Variants in EXOC5 observed in about 807,000 individuals in gnomAD.
EXOC5 encodes the protein exocyst complex component 5.
EXOC5 carries 17 observed loss-of-function variants against 90.8 expected under a neutral mutation model. That is an observed-to-expected ratio of 0.19 (90% CI 0.13 to 0.28). The LOEUF is 0.28. Ranked by LOEUF, EXOC5 falls within the 10% of genes least tolerant of loss-of-function variation. The pLI is 1.00. For missense variants in EXOC5, 569 were observed against 830.6 expected, an observed-to-expected ratio of 0.69 and a Z score of 3.87; for synonymous variants, 260 against 270.0, an observed-to-expected ratio of 0.96 and a Z score of 0.36.
intron 12 of EXOC5, among the ~76,000 whole-genome samples, chr14:57,222,762 CATATATAT>C (rs149486431): frequency 1.5e-5 from 2 of 135,216 alleles, no homozygotes; most frequent in Non-Finnish European, 3.0e-5. Context: ...CACACACACA[CATATATAT>C]ATATATATAT....
chr14:57,252,545 C>T (rs1884225509), intron 1 of EXOC5, among the ~76,000 whole-genome samples: 1 of 152,060 alleles, frequency 6.6e-6, no homozygotes, highest in Non-Finnish European at 1.5e-5. Flanking sequence ...ATGCTCAACA[C>T]CATTAATCAT....
chr14:57,237,438 C>T (rs1883695259), intron 5 of EXOC5, 72 bp from the exon 6 acceptor site: 2 of 957,036 alleles, frequency 2.1e-6, no homozygotes, highest in Middle Eastern at 2.1e-4. Context: ...AGATGCTAAC[C>T]AAATGGGAAA....
Position 57,208,510 on chromosome 14 carries a change from A to T in EXOC5, c.*99T>A, listed in dbSNP as rs548882954. On this transcript the variant is annotated 3_prime_UTR_variant, in exon 18 of 18. Coordinates refer to ENST00000621441, the MANE Select transcript of EXOC5 (RefSeq NM_006544.4). ...TGTTTCACAAAATGTTGGCTGTGTC[A>T]TAAGGTATCTCCTGTGCTTTCTATC... 1.9e-5 allele frequency: 14 copies of T among 744,896 alleles called. No homozygotes were observed. In the African/African-American group the frequency reaches 2.2e-4, roughly 12 times the overall value. The allele number at this position is 744,896 out of a possible 1,614,324, so 46.1% of individuals were successfully genotyped here.
chr14:57,224,066 T>C (rs1343337516), intron 12 of EXOC5, among the ~76,000 whole-genome samples: 5 of 152,074 alleles, frequency 3.3e-5, no homozygotes, highest in African/African-American at 7.2e-5. Flanking sequence ...AAGTAGTATT[T>C]ACAGGGAAAT....
In EXOC5 at chr14:57,239,612, T is replaced by C. The variant is rs200534737; in HGVS notation, c.513A>G (p.Gln171=). The change falls in exon 5 of 18, where the codon CAA becomes CAG. Residue 171 remains glutamine, a synonymous_variant. Transcript: ENST00000621441. ...DIIQKLHLIA[Q]ELPFDRFSEV... is the part of the protein sequence containing the mutation. ...GAACTTGCCTATCAAAAGGTAACTC[T>C]TGGGCAATTAGGTGCAACTTCTGAA... The C allele has an allele frequency of 3.3e-4, 510 of 1,538,786 alleles. 1 individual carries two copies. The African/African-American group carries it at 6.5e-3, about 20-fold the overall frequency.
chr14:57,264,188 G>A (rs183588367), intron 1 of EXOC5, among the ~76,000 whole-genome samples: 1 of 152,228 alleles, frequency 6.6e-6, no homozygotes, highest in East Asian at 1.9e-4. Context: ...TGGTAGCCAA[G>A]GTCTATAAAC....
At position 57,203,572 on chromosome 14, in the gene EXOC5, C is replaced by T. The variant is rs895941908; in HGVS notation, c.*5037G>A. 2 of 152,580 alleles carry T rather than the reference C, an allele frequency of 1.3e-5. No individual in the cohort carries two copies. The highest frequency in any genetic ancestry group is 4.8e-5 in the African/African-American group (2 of 41,458). 9.5% of individuals were successfully genotyped at this position (152,580 alleles called of 1,614,324 possible). On this transcript the variant is annotated 3_prime_UTR_variant, in exon 18 of 18. Coordinates refer to ENST00000621441, the MANE Select transcript of EXOC5 (RefSeq NM_006544.4). ...GGAACTATAAATGAAACTTAGCTTT[C>T]TTATTCCAGGTTCCTACTTCCTTCC...
chr14:57,252,224 G>A (rs919081980), intron 1 of EXOC5, among the ~76,000 whole-genome samples: 1 of 152,148 alleles, frequency 6.6e-6, no homozygotes, highest in Non-Finnish European at 1.5e-5. Context: ...GCATTACCCT[G>A]ATACACGAAA....
chr14:57,206,881 CAA>C lies in EXOC5; in HGVS notation c.*1726_*1727del, dbSNP rs1248223288. On this transcript the variant is annotated 3_prime_UTR_variant, in exon 18 of 18. Coordinates refer to ENST00000621441, the MANE Select transcript of EXOC5 (RefSeq NM_006544.4). Reference sequence around the variant, plus strand: ...TTCTTTTTTACAAATTGACACTGTACAAAGAGCTTAAATGGCCAGTAAAACTA... The same window carrying C: ...TTCTTTTTTACAAATTGACACTGTACAGAGCTTAAATGGCCAGTAAAACTA... The C allele has an allele frequency of 6.6e-6, 1 of 152,146 alleles. No individual in the cohort carries two copies. The highest frequency in any genetic ancestry group is 1.9e-4 in the East Asian group (1 of 5,188). 9.4% of individuals were successfully genotyped at this position (152,146 alleles called of 1,614,324 possible). A position where few individuals can be genotyped will look rare whatever the true frequency, so the allele number is the denominator to read the frequency against.
At chr14:57,226,469 G>C (rs554461115) in intron 12 of EXOC5, among the ~76,000 whole-genome samples, 121 of 152,248 alleles carry the variant, frequency 7.9e-4, no homozygotes, top group Non-Finnish European at 1.5e-3. Flanking sequence ...TAGAACTACA[G>C]AGTCAATGTA....
At chr14:57,236,329 C>T (rs1883658156) in intron 6 of EXOC5, among the ~76,000 whole-genome samples, 1 of 150,400 alleles carries the variant, frequency 6.6e-6, no homozygotes, top group Admixed American at 6.6e-5. Context: ...CTGTGTCACC[C>T]AGTCAAAGTG....
chr14:57,239,918 T>G (rs1197088755), intron 4 of EXOC5, among the ~76,000 whole-genome samples: 5 of 152,140 alleles, frequency 3.3e-5, no homozygotes, highest in Non-Finnish European at 5.9e-5. Flanking sequence ...GATGCCACAA[T>G]CCCTTCCCAA....
chr14:57,210,425 T>C (rs951549868), intron 15 of EXOC5, among the ~76,000 whole-genome samples: 1 of 152,142 alleles, frequency 6.6e-6, no homozygotes. Context: ...CAGAAGTGTT[T>C]TGGATTTTGA....
At chr14:57,239,172 C>T (rs188006141) in intron 5 of EXOC5, among the ~76,000 whole-genome samples, 1 of 152,184 alleles carries the variant, frequency 6.6e-6, no homozygotes, top group East Asian at 1.9e-4. Flanking sequence ...AAGGTGATAG[C>T]GTTCATCAGC....
chr14:57,243,835 G>A (rs1002554674), intron 4 of EXOC5, among the ~76,000 whole-genome samples: 1 of 152,030 alleles, frequency 6.6e-6, no homozygotes, highest in African/African-American at 2.4e-5. Context: ...CCAATGGACT[G>A]TCACTATTTA....
chr14:57,220,210 C>T (rs541029651), intron 13 of EXOC5, among the ~76,000 whole-genome samples: 1 of 151,470 alleles, frequency 6.6e-6, no homozygotes, highest in African/African-American at 2.4e-5. Context: ...CTCCGCCCCC[C>T]CTGCCCCCGC....
Position 57,229,872 on chromosome 14 carries a change from A to T in EXOC5, c.1158T>A (p.Asp386Glu), listed in dbSNP as rs746664110. 6.9e-7 allele frequency: 1 copy of T among 1,450,532 alleles called. No homozygotes were observed. 89.9% of individuals were successfully genotyped at this position (1,450,532 alleles called of 1,614,324 possible). A position where few individuals can be genotyped will look rare whatever the true frequency, so the allele number is the denominator to read the frequency against. ...KRSIGTGGIQ[D>E]LKERIRQRTN... is the part of the protein sequence containing the mutation. ...TACGCTGTCTAATTCTTTCCTTCAA[A>T]TCTTGAATACTAGTACATCATAAAG... The change falls in exon 12 of 18, where the codon GAT becomes GAA. Residue 386 changes from aspartate to glutamate, a missense_variant. Asp to Glu is a conservative substitution (Grantham distance 45, BLOSUM62 2). Coordinates refer to ENST00000621441, the MANE Select transcript of EXOC5 (RefSeq NM_006544.4).
intron 1 of EXOC5, among the ~76,000 whole-genome samples, chr14:57,262,564 G>GTGTGTA (rs1491406782): frequency 5.2e-4 from 70 of 134,226 alleles, no homozygotes; most frequent in African/African-American, 1.8e-3. Flanking sequence ...GTGTGTGTGT[G>GTGTGTA]TATATATATA....
chr14:57,262,397 A>G (rs1348239174), intron 1 of EXOC5, among the ~76,000 whole-genome samples: 1 of 151,936 alleles, frequency 6.6e-6, no homozygotes, highest in Non-Finnish European at 1.5e-5. Flanking sequence ...TCCTGGCTAA[A>G]TTACCACCCA....
Sources: gnomAD v4.1 joint callset for allele counts (sites outside exome capture counted in the v4.1 genomes callset) on GRCh38, gnomAD v4.1.1 for gene constraint, MANE v1.5 for transcripts, NCBI Gene and HGNC (gene_info 2026-07-23, HGNC 2026-07-21) for gene names.